DCTN4: variants seen among roughly 807,000 people sequenced by gnomAD.
DCTN4 encodes the protein dynactin 4 (p62).
A neutral mutation model predicts 62.7 loss-of-function variants in DCTN4; 23 were observed. The ratio of observed to expected loss-of-function variants is 0.37; its 90% confidence interval spans 0.26 to 0.52. The LOEUF (loss-of-function observed/expected upper bound fraction) is 0.52. Among genes scored for constraint, DCTN4 ranks in the 20% least tolerant of loss-of-function variants. The pLI is 0.92. For missense variants in DCTN4, 514 were observed against 580.4 expected, an observed-to-expected ratio of 0.89 and a Z score of 1.18; for synonymous variants, 199 against 202.1, an observed-to-expected ratio of 0.98 and a Z score of 0.13.
intron 3 of DCTN4, among the ~76,000 whole-genome samples, chr5:150,748,793 G>A (rs1220606207): frequency 3.8e-4 from 44 of 114,368 alleles, no homozygotes; most frequent in African/African-American, 1.3e-3. Flanking sequence ...GTTGTGGGGT[G>A]GGGGGAGGGG....
At chr5:150,747,408 ATGAC>A (rs1438037340) in intron 3 of DCTN4, among the ~76,000 whole-genome samples, 5 of 152,236 alleles carry the variant, frequency 3.3e-5, no homozygotes, top group African/African-American at 1.2e-4. Flanking sequence ...CAAGCTACCA[ATGAC>A]TTTCTTCACA....
At chr5:150,731,363 A>G (rs1760359160) in intron 6 of DCTN4, 53 bp downstream of exon 6, 1 of 1,417,800 alleles carries the variant, frequency 7.1e-7, no homozygotes, top group African/African-American at 1.4e-5. Flanking sequence ...TTTATTTGAT[A>G]TTCATTTTGA....
At chr5:150,736,052 C>A (rs1760570117) in intron 4 of DCTN4, among the ~76,000 whole-genome samples, 1 of 150,812 alleles carries the variant, frequency 6.6e-6, no homozygotes, top group Admixed American at 6.6e-5. Flanking sequence ...CTGACAAATA[C>A]AAAGAAAAAA....
intron 8 of DCTN4, among the ~76,000 whole-genome samples, chr5:150,724,717 T>C (rs1760075111): frequency 6.6e-6 from 1 of 152,216 alleles, no homozygotes; most frequent in Non-Finnish European, 1.5e-5. Context: ...CCATATTTAG[T>C]ATATAACAAA....
chr5:150,756,957 A>C (rs1752887317), intron 1 of DCTN4, among the ~76,000 whole-genome samples: 1 of 152,214 alleles, frequency 6.6e-6, no homozygotes, highest in Admixed American at 6.5e-5. Context: ...GCAAGCATAA[A>C]TATTTATTTA....
At chr5:150,756,065 A>G (rs1243311619) in intron 2 of DCTN4, among the ~76,000 whole-genome samples, 1 of 148,046 alleles carries the variant, frequency 6.8e-6, no homozygotes, top group Non-Finnish European at 1.5e-5. Context: ...TTTTTGAGAC[A>G]AAGACTTGCT....
intron 12 of DCTN4, among the ~76,000 whole-genome samples, chr5:150,712,090 A>G (rs1322595030): frequency 6.6e-6 from 1 of 152,150 alleles, no homozygotes; most frequent in Non-Finnish European, 1.5e-5. Flanking sequence ...TGCAAATGCA[A>G]TATTTCTATA....
At chr5:150,733,000 C>A (rs182830141) in intron 5 of DCTN4, among the ~76,000 whole-genome samples, 1 of 152,184 alleles carries the variant, frequency 6.6e-6, no homozygotes, top group Non-Finnish European at 1.5e-5. Flanking sequence ...CAAAGGTGGG[C>A]TACAGGGGTA....
chr5:150,724,075 G>T (rs1381277858), intron 8 of DCTN4, among the ~76,000 whole-genome samples: 2 of 152,150 alleles, frequency 1.3e-5, no homozygotes, highest in African/African-American at 4.8e-5. Flanking sequence ...CCTAAGAGTA[G>T]ATCAAAGGGT....
intron 11 of DCTN4, among the ~76,000 whole-genome samples, chr5:150,717,508 A>C (rs1437999318): frequency 6.6e-6 from 1 of 152,218 alleles, no homozygotes; most frequent in African/African-American, 2.4e-5. Flanking sequence ...TTGGCCTCCC[A>C]AAGTGCTAGG....
chr5:150,753,730 G>A (rs1240283072), intron 2 of DCTN4, 73 bp from the exon 3 acceptor site: 17 of 1,447,634 alleles, frequency 1.2e-5, no homozygotes, highest in Non-Finnish European at 1.6e-5. Context: ...CAAATATAAG[G>A]ACAAGTGTCT....
At chr5:150,742,486 C>A (rs1037207141) in intron 3 of DCTN4, among the ~76,000 whole-genome samples, 6 of 152,168 alleles carry the variant, frequency 3.9e-5, no homozygotes, top group African/African-American at 1.4e-4. Flanking sequence ...TGTTAAATAA[C>A]TTGCTCAAAG....
chr5:150,747,360 C>CA, intron 3 of DCTN4, among the ~76,000 whole-genome samples: 1 of 152,320 alleles, frequency 6.6e-6, no homozygotes, highest in South Asian at 2.1e-4. Context: ...AATGGCCATA[C>CA]TGCCCAAGGT....
At position 150,758,798 on chromosome 5, in the gene DCTN4, G is replaced by C. The variant is rs966620831; in HGVS notation, c.135+61C>G. ...ATAGCTCCAGCCTTCCGGTGGCAGTGACTAGCATGAACGCCGCGCCCCCCC... is the reference window on the plus strand; with the variant it reads ...ATAGCTCCAGCCTTCCGGTGGCAGTCACTAGCATGAACGCCGCGCCCCCCC... On this transcript the variant is annotated intron_variant, in intron 1 of 12. Coordinates refer to ENST00000447998, the MANE Select transcript of DCTN4 (RefSeq NM_016221.4). 1.9e-6 allele frequency: 3 copies of C among 1,595,286 alleles called. No homozygotes were observed. In the South Asian group the frequency reaches 3.3e-5, roughly 18 times the overall value.
At chr5:150,742,627 A>C (rs1309928500) in intron 3 of DCTN4, among the ~76,000 whole-genome samples, 2 of 152,204 alleles carry the variant, frequency 1.3e-5, no homozygotes, top group African/African-American at 4.8e-5. Context: ...CTTACGTAAG[A>C]AGCACACAGC....
chr5:150,733,294 T>A (rs562685418), intron 5 of DCTN4, 74 bp downstream of exon 5: 1 of 1,048,436 alleles, frequency 9.5e-7, no homozygotes, highest in East Asian at 2.4e-5. Context: ...TCTAGGACAA[T>A]GGCCATTTTC....
At chr5:150,733,219 T>C (rs1186233926) in intron 5 of DCTN4, 149 bp downstream of exon 5, 1 of 550,822 alleles carries the variant, frequency 1.8e-6, no homozygotes, top group Non-Finnish European at 3.2e-6. Flanking sequence ...AGCAAAAGCC[T>C]AACTATTGGA....
intron 9 of DCTN4, among the ~76,000 whole-genome samples, chr5:150,720,532 G>A (rs932395266): frequency 1.3e-5 from 2 of 149,798 alleles, no homozygotes; most frequent in African/African-American, 4.9e-5. Context: ...AGGCTGGAGT[G>A]TAACGGCACA....
chr5:150,731,791 G>T, intron 5 of DCTN4: 1 of 1,129,452 alleles, frequency 8.9e-7, no homozygotes. Context: ...GAACTATGTG[G>T]AGTGTCTAAG....
Sources: allele counts gnomAD v4.1 joint callset (sites outside exome capture counted in the v4.1 genomes callset), GRCh38; gene constraint gnomAD v4.1.1; transcripts MANE v1.5; gene names NCBI Gene and HGNC (gene_info 2026-07-23, HGNC 2026-07-21).